Variants in ZMYND8 observed in about 807,000 individuals in gnomAD.
ZMYND8 encodes the protein MYND-type zinc finger-containing chromatin reader ZMYND8.
In ZMYND8, 37 loss-of-function variants were observed where a neutral mutation model predicts 140.8. The observed-to-expected ratio is 0.26, with a 90% confidence interval of 0.20 to 0.35. The LOEUF is 0.35. ZMYND8 is among the 10% of genes least tolerant of loss of function. The pLI is 1.00. For missense variants in ZMYND8, 1,068 were observed against 1,570.0 expected (o/e 0.68, Z 5.40); for synonymous variants, 592 against 597.1 (o/e 0.99, Z 0.12).
intron 2 of ZMYND8, among the ~76,000 whole-genome samples, chr20:47,328,909 G>T (rs76426969): frequency 1.3e-5 from 2 of 152,184 alleles, no homozygotes; most frequent in Non-Finnish European, 2.9e-5. Context: ...GCATAATTAC[G>T]GTAAAGCATG....
intron 3 of ZMYND8, among the ~76,000 whole-genome samples, chr20:47,309,161 G>T (rs538755547): frequency 1.3e-5 from 2 of 152,132 alleles, no homozygotes; most frequent in East Asian, 3.8e-4. Context: ...AACGGTGAAC[G>T]GATTTTTCCT....
At chr20:47,348,540 C>T (rs779881728) in intron 1 of ZMYND8, 4 of 155,064 alleles carry the variant, frequency 2.6e-5, no homozygotes, top group Non-Finnish European at 4.3e-5. Flanking sequence ...CACTTCCAAC[C>T]CCCTGAATGC....
At chr20:47,249,493 G>A (rs2073995535) in intron 12 of ZMYND8, 54 bp from the exon 13 acceptor site, 12 of 1,583,120 alleles carry the variant, frequency 7.6e-6, no homozygotes, top group East Asian at 2.3e-5. Flanking sequence ...TCCTCATCAC[G>A]GAGCTTCGTC....
chr20:47,347,727 T>C, intron 2 of ZMYND8, 129 bp downstream of exon 2: 8 of 893,948 alleles, frequency 8.9e-6, no homozygotes, highest in South Asian at 3.2e-5. Flanking sequence ...AAAAATCTTA[T>C]ATCTGAAAAT....
At chr20:47,307,976 G>C (rs2148183277) in intron 3 of ZMYND8, among the ~76,000 whole-genome samples, 1 of 151,666 alleles carries the variant, frequency 6.6e-6, no homozygotes, top group East Asian at 2.0e-4. Context: ...AAATTAACTG[G>C]GCACAGCGGC....
At chr20:47,273,508 T>G (rs1214743984) in intron 11 of ZMYND8, among the ~76,000 whole-genome samples, 1 of 152,230 alleles carries the variant, frequency 6.6e-6, no homozygotes, top group African/African-American at 2.4e-5. Flanking sequence ...ATCGTGGCAC[T>G]GCGCTCTAGC....
chr20:47,324,484 A>G (rs2080248712), intron 2 of ZMYND8, among the ~76,000 whole-genome samples: 1 of 152,184 alleles, frequency 6.6e-6, no homozygotes, highest in African/African-American at 2.4e-5. Flanking sequence ...GAGCCACTGC[A>G]CTCCAGCCTG....
intron 16 of ZMYND8, among the ~76,000 whole-genome samples, chr20:47,233,205 CT>C (rs1174729822): frequency 0.014 from 1,265 of 91,340 alleles, 4 homozygotes; most frequent in Middle Eastern, 0.041. Flanking sequence ...CCGCACCAGG[CT>C]TTTTTTTTTT....
In ZMYND8 at chr20:47,212,673, G is replaced by C. The variant is rs2035460023; in HGVS notation, c.3537C>G (p.His1179Gln). ...GGGCGGGGTAGTTGGGGTGCGGCTGGTGGTCTGTGGTGGTTGGGGCATAGG... is the reference window on the plus strand; with the variant it reads ...GGGCGGGGTAGTTGGGGTGCGGCTGCTGGTCTGTGGTGGTTGGGGCATAGG... ...QPAYAPTTTDHQPHPNYPAQK... is the reference protein window; with the variant it reads ...QPAYAPTTTDQQPHPNYPAQK... Residue 1179 changes from histidine (H) to glutamine (Q), a missense_variant, in exon 22 of 23, where the codon CAC becomes CAG. Physicochemically the swap from His to Gln is conservative, Grantham distance 24. This residue lies in a region of ZMYND8 where 180 missense variants were observed against 187.8 expected (regional missense o/e 0.96). Coordinates refer to ENST00000471951, the MANE Select transcript of ZMYND8 (RefSeq NM_001281775.3). 6.2e-7 allele frequency: 1 copy of C among 1,613,848 alleles called. No individual in the cohort carries two copies. Among genetic ancestry groups the C allele is most frequent in the Admixed American group, 1.7e-5 (1 of 59,976 alleles).
At position 47,298,324 on chromosome 20, in the gene ZMYND8, G is replaced by A. The variant is rs2077778471; in HGVS notation, c.453+405C>T. The A allele has an allele frequency of 1.0e-6, 1 of 985,302 alleles. No individual in the cohort carries two copies. The highest frequency in any genetic ancestry group is 4.7e-5 in the South Asian group (1 of 21,296). 61.0% of individuals were successfully genotyped at this position (985,302 alleles called of 1,614,324 possible). A position where few individuals can be genotyped will look rare whatever the true frequency, so the allele number is the denominator to read the frequency against. On this transcript the variant is annotated intron_variant, in intron 4 of 22. Transcript: ENST00000471951. The surrounding 1 kb of genome is among the most constrained non-coding windows in gnomAD (Gnocchi z 5.0). Reference sequence around the variant, plus strand: ...CATGCAACCAAACGTGGTCTTCTCAGCTTGGCTACTGCTGATGATTCAATG... The same window carrying A: ...CATGCAACCAAACGTGGTCTTCTCAACTTGGCTACTGCTGATGATTCAATG...
chr20:47,282,283 G>T (rs1265153188), intron 9 of ZMYND8, 66 bp from the exon 10 acceptor site: 2 of 1,401,318 alleles, frequency 1.4e-6, no homozygotes, highest in Non-Finnish European at 2.0e-6. Flanking sequence ...ACTAAAGTTT[G>T]GTATGTGAGG....
At chr20:47,249,640 G>A (rs1374636759) in intron 12 of ZMYND8, among the ~76,000 whole-genome samples, 1 of 144,858 alleles carries the variant, frequency 6.9e-6, no homozygotes, top group Non-Finnish European at 1.6e-5. Context: ...GAACACGTTT[G>A]GCAGGTTTAA....
At chr20:47,248,890 A>T (rs755769360) in intron 13 of ZMYND8, among the ~76,000 whole-genome samples, 4 of 152,206 alleles carry the variant, frequency 2.6e-5, no homozygotes, top group Non-Finnish European at 4.4e-5. Context: ...CCCGGTGGGG[A>T]GGAGACCAGT....
Position 47,339,657 on chromosome 20 carries a change from T to C in ZMYND8, c.85+8199A>G, listed in dbSNP as rs985076929. 4.6e-5 allele frequency among the ~76,000 whole-genome samples: 7 copies of C among 151,870 alleles called. No homozygotes were observed. The East Asian group carries it at 1.4e-3, about 30-fold the overall frequency. On this transcript the variant is annotated intron_variant, in intron 2 of 22. Transcript: ENST00000471951. ...ACGCCTGGCTAATTTTTTGTATTTTTAGTAGAGACGGGGTTTCACCATGTT... is the reference window on the plus strand; with the variant it reads ...ACGCCTGGCTAATTTTTTGTATTTTCAGTAGAGACGGGGTTTCACCATGTT...
intron 2 of ZMYND8, among the ~76,000 whole-genome samples, chr20:47,346,896 C>T (rs541881436): frequency 2.1e-4 from 32 of 152,194 alleles, no homozygotes; most frequent in Non-Finnish European, 4.1e-4. Flanking sequence ...TGAGCCACCA[C>T]GCCTGGCGAC....
At chr20:47,318,944 C>G in intron 2 of ZMYND8, 1 of 1,350,586 alleles carries the variant, frequency 7.4e-7, no homozygotes, top group Non-Finnish European at 9.8e-7. Flanking sequence ...CAAGAGGAGG[C>G]ACTTACCTGC....
chr20:47,337,940 G>A (rs1321548975), intron 2 of ZMYND8, among the ~76,000 whole-genome samples: 1 of 152,196 alleles, frequency 6.6e-6, no homozygotes, highest in Admixed American at 6.6e-5. Flanking sequence ...AATTCAGTTA[G>A]AGAAACTGAA....
At chr20:47,295,171 T>C (rs1056166646) in intron 4 of ZMYND8, among the ~76,000 whole-genome samples, 1 of 152,204 alleles carries the variant, frequency 6.6e-6, no homozygotes, top group African/African-American at 2.4e-5. Flanking sequence ...GGTGGGTAGA[T>C]TGCTTGAGCC....
intron 10 of ZMYND8, among the ~76,000 whole-genome samples, chr20:47,277,685 T>G (rs2076341819): frequency 6.6e-6 from 1 of 150,994 alleles, no homozygotes; most frequent in Non-Finnish European, 1.5e-5. Flanking sequence ...ATTTATTTAT[T>G]TATTTGAGAC....
Sources: gnomAD v4.1 joint callset for allele counts (sites outside exome capture counted in the v4.1 genomes callset) on GRCh38, gnomAD v4.1.1 for gene constraint, gnomAD v4.1.1 regional missense constraint, Gnocchi (gnomAD v3.1) non-coding constraint, MANE v1.5 for transcripts, NCBI Gene and HGNC (gene_info 2026-07-23, HGNC 2026-07-21) for gene names.